NMT1: variants seen among roughly 807,000 people sequenced by gnomAD.
NMT1 encodes N-myristoyltransferase 1.
NMT1 carries 12 observed loss-of-function variants against 63.4 expected under a neutral mutation model. The observed-to-expected ratio is 0.19, with a 90% CI of 0.12 to 0.31. The LOEUF is 0.31. Among genes scored for constraint, NMT1 ranks in the 10% least tolerant of loss-of-function variants. The pLI is 1.00. For synonymous variants in NMT1, 228 were observed against 234.3 expected, an observed-to-expected ratio of 0.97 and a Z score of 0.25; for missense variants, 432 against 634.6, an observed-to-expected ratio of 0.68 and a Z score of 3.43.
Position 45,102,975 on chromosome 17 carries a change from C to T in NMT1, c.1018C>T (p.Pro340Ser). 1.2e-6 allele frequency: 2 copies of T among 1,612,818 alleles called. No homozygotes were observed. The highest frequency in any genetic ancestry group is 1.7e-6 in the Non-Finnish European group (2 of 1,178,938). ...GACTCCCAAGACAGCTGGGCTGCGACCAATGGAAACAAAGGACATTCCAGT... is the reference window on the plus strand; with the variant it reads ...GACTCCCAAGACAGCTGGGCTGCGATCAATGGAAACAAAGGACATTCCAGT... ...PETPKTAGLR[P>S]METKDIPVVH... The change falls in exon 9 of 12, where the codon CCA becomes TCA. Residue 340 changes from proline to serine, a missense_variant. Around this residue, in one of 4 missense-constraint regions of NMT1, gnomAD observed 295 missense variants for 489.7 expected, o/e 0.60. Coordinates refer to ENST00000258960, the MANE Select transcript of NMT1 (RefSeq NM_021079.5).
intron 3 of NMT1, among the ~76,000 whole-genome samples, chr17:45,087,444 C>G (rs1394897022): frequency 6.6e-6 from 1 of 152,048 alleles, no homozygotes; most frequent in Admixed American, 6.6e-5. Context: ...TCATTAGCAC[C>G]CCTTAAAAAA....
chr17:45,102,860 G>C (rs2054176599), intron 8 of NMT1, 91 bp from the exon 9 acceptor site: 3 of 1,251,164 alleles, frequency 2.4e-6, no homozygotes, highest in South Asian at 1.6e-5. Flanking sequence ...AATGACCAGG[G>C]ATTCTCTCTT....
intron 5 of NMT1, 76 bp downstream of exon 5, chr17:45,096,361 C>T: frequency 1.1e-5 from 13 of 1,220,608 alleles, no homozygotes; most frequent in Non-Finnish European, 1.6e-5. Context: ...CCAGAGTTTT[C>T]ATCCCTGCCA....
At chr17:45,086,431 A>G in intron 2 of NMT1, 77 bp from the exon 3 acceptor site, 3 of 1,441,676 alleles carry the variant, frequency 2.1e-6, no homozygotes, top group Non-Finnish European at 2.8e-6. Flanking sequence ...AGCTCCCCTT[A>G]ACTCTTGAAC....
intron 1 of NMT1, among the ~76,000 whole-genome samples, chr17:45,068,659 G>C (rs949986939): frequency 1.3e-5 from 2 of 152,048 alleles, no homozygotes; most frequent in Non-Finnish European, 2.9e-5. Flanking sequence ...TTGTTTGTTT[G>C]TTTCTTTTTT....
At chr17:45,098,053 C>T (rs949641891) in intron 6 of NMT1, among the ~76,000 whole-genome samples, 5 of 152,166 alleles carry the variant, frequency 3.3e-5, no homozygotes, top group African/African-American at 7.2e-5. Flanking sequence ...TGACCTGCCC[C>T]GTGGGTTCCC....
At chr17:45,088,743 G>T (rs2054069494) in intron 3 of NMT1, among the ~76,000 whole-genome samples, 1 of 147,554 alleles carries the variant, frequency 6.8e-6, no homozygotes, top group South Asian at 2.1e-4. Context: ...AGCAGAGCAA[G>T]AATGCATCTC....
intron 2 of NMT1, among the ~76,000 whole-genome samples, chr17:45,082,109 GC>G (rs1360015924): frequency 6.6e-6 from 1 of 151,956 alleles, no homozygotes; most frequent in Non-Finnish European, 1.5e-5. Flanking sequence ...ACAATGAAAG[GC>G]CCCCCCTTTC....
At chr17:45,086,975 A>G (rs539067768) in intron 3 of NMT1, among the ~76,000 whole-genome samples, 3 of 148,086 alleles carry the variant, frequency 2.0e-5, no homozygotes, top group East Asian at 3.9e-4. Flanking sequence ...CCTGGGCAAC[A>G]TAGACCTTGT....
intron 2 of NMT1, among the ~76,000 whole-genome samples, chr17:45,082,047 A>G (rs2054020270): frequency 6.6e-6 from 1 of 152,208 alleles, no homozygotes; most frequent in African/African-American, 2.4e-5. Flanking sequence ...TACGTGTGAC[A>G]GCCCCTGGCG....
intron 1 of NMT1, among the ~76,000 whole-genome samples, chr17:45,066,378 C>G (rs1442527417): frequency 2.6e-5 from 4 of 152,068 alleles, no homozygotes; most frequent in Non-Finnish European, 5.9e-5. Context: ...ACTTATGTCT[C>G]TTTGTATATG....
Position 45,103,958 on chromosome 17 carries a change from G to C in NMT1, c.1332+82G>C. 2 of 1,601,696 alleles carry C rather than the reference G, an allele frequency of 1.2e-6. No homozygotes were observed. The highest frequency in any genetic ancestry group is 1.7e-6 in the Non-Finnish European group (2 of 1,179,700). On this transcript the variant is annotated intron_variant, in intron 10 of 11. Coordinates refer to ENST00000258960, the MANE Select transcript of NMT1 (RefSeq NM_021079.5). The surrounding 1 kb of genome is among the most constrained non-coding windows in gnomAD (Gnocchi z 4.8). ...TGGTGAGCACAGCTCCCGGGACGCA[G>C]CCTCCCATGGGCTGGAGGCTCTGAG... is the stretch of plus-strand genomic sequence containing the variant.
At chr17:45,093,129 C>T (rs1004187524) in intron 3 of NMT1, among the ~76,000 whole-genome samples, 10 of 151,668 alleles carry the variant, frequency 6.6e-5, no homozygotes, top group African/African-American at 2.2e-4. Context: ...CCCAAAGGCA[C>T]TTGCAGGACT....
chr17:45,063,335 T>C (rs1393281062), intron 1 of NMT1, among the ~76,000 whole-genome samples: 1 of 152,128 alleles, frequency 6.6e-6, no homozygotes, highest in African/African-American at 2.4e-5. Context: ...AGTCTTCTTT[T>C]GAAGTTTGAT....
chr17:45,099,279 C>T, intron 7 of NMT1, 126 bp from the exon 8 acceptor site: 1 of 696,128 alleles, frequency 1.4e-6, no homozygotes, highest in Non-Finnish European at 2.7e-6. Context: ...AGGGTGACAC[C>T]ACTGACTCCG....
chr17:45,096,738 A>G (rs571419973), intron 5 of NMT1, among the ~76,000 whole-genome samples: 2 of 152,338 alleles, frequency 1.3e-5, no homozygotes, highest in African/African-American at 2.4e-5. Context: ...AAGGGAAGGA[A>G]GAATTTGTAC....
intron 8 of NMT1, among the ~76,000 whole-genome samples, chr17:45,101,965 T>TA (rs1364740008): frequency 2.0e-5 from 3 of 152,298 alleles, no homozygotes; most frequent in Admixed American, 1.3e-4. Flanking sequence ...AGAGCATTCT[T>TA]AGAGTGCTGC....
At chr17:45,073,720 T>C (rs2053957823) in intron 1 of NMT1, among the ~76,000 whole-genome samples, 1 of 152,216 alleles carries the variant, frequency 6.6e-6, no homozygotes, top group Non-Finnish European at 1.5e-5. Context: ...AACGAAGCCA[T>C]AGCCTTTGGG....
At chr17:45,092,160 C>T (rs978800770) in intron 3 of NMT1, among the ~76,000 whole-genome samples, 6 of 152,142 alleles carry the variant, frequency 3.9e-5, no homozygotes, top group African/African-American at 7.2e-5. Context: ...ACCTGCAGCA[C>T]GTGGATAATG....
Sources: allele counts gnomAD v4.1 joint callset (sites outside exome capture counted in the v4.1 genomes callset), GRCh38; gene constraint gnomAD v4.1.1; regional missense constraint gnomAD v4.1.1; non-coding constraint Gnocchi (gnomAD v3.1); transcripts MANE v1.5; gene names NCBI Gene and HGNC (gene_info 2026-07-23, HGNC 2026-07-21).